NKD1: variants seen among roughly 807,000 people sequenced by gnomAD.
The protein encoded by NKD1 is NKD inhibitor of Wnt signaling pathway 1.
A neutral mutation model predicts 56.0 loss-of-function variants in NKD1; 21 were observed. The observed-to-expected ratio is 0.38, with a 90% CI of 0.27 to 0.54. The LOEUF is 0.54. NKD1 is among the 20% of genes least tolerant of loss of function. The pLI, the probability that NKD1 is intolerant of heterozygous loss-of-function variation, is 0.82. For synonymous variants in NKD1, 263 were observed against 265.7 expected (o/e 0.99, Z 0.10); for missense variants, 578 against 642.7 (o/e 0.90, Z 1.09).
intron 3 of NKD1, among the ~76,000 whole-genome samples, chr16:50,583,029 T>C (rs1396281364): frequency 6.6e-6 from 1 of 152,116 alleles, no homozygotes; most frequent in East Asian, 1.9e-4. Context: ...GCATTATTGC[T>C]CCATTTCAGG....
At chr16:50,552,926 T>C (rs1468131812) in intron 3 of NKD1, among the ~76,000 whole-genome samples, 1 of 152,142 alleles carries the variant, frequency 6.6e-6, no homozygotes, top group East Asian at 1.9e-4. Context: ...CATGGGGACA[T>C]GAGCAAGTCC....
chr16:50,574,626 G>A (rs1458719839), intron 3 of NKD1: 2 of 985,298 alleles, frequency 2.0e-6, no homozygotes, highest in Admixed American at 6.1e-5. Flanking sequence ...CGGGCAGGAG[G>A]AGCTGTGCCT....
intron 3 of NKD1, chr16:50,574,985 T>C (rs1960961756): frequency 1.8e-5 from 18 of 985,278 alleles, no homozygotes; most frequent in Non-Finnish European, 1.9e-5. Context: ...AGCATAACCC[T>C]GGTGCTTCTC....
rs1962715042 is a variant in NKD1, at chr16:50,648,180, C to G, written c.*14399C>G. The G allele has an allele frequency of 6.5e-6, 1 of 152,920 alleles. No homozygotes were observed. The highest frequency in any genetic ancestry group is 6.5e-5 in the Admixed American group (1 of 15,290). 9.5% of individuals were successfully genotyped at this position (152,920 alleles called of 1,614,324 possible). On this transcript the variant is annotated 3_prime_UTR_variant, in exon 10 of 10. Transcript: ENST00000268459. Reference sequence around the variant, plus strand: ...CCACTGTGAACCCAGAAATGCCACACCATGGAAGCCACACACTCTGCTGTC... The same window carrying G: ...CCACTGTGAACCCAGAAATGCCACAGCATGGAAGCCACACACTCTGCTGTC...
At chr16:50,552,392 C>T (rs996802706) in intron 3 of NKD1, 1 of 152,222 alleles carries the variant, frequency 6.6e-6, no homozygotes, top group African/African-American at 2.4e-5. Context: ...ACAAAACTCC[C>T]AGAGAGGGGG....
chr16:50,607,056 A>G (rs968180799), intron 3 of NKD1: 1 of 457,078 alleles, frequency 2.2e-6, no homozygotes, highest in African/African-American at 2.0e-5. Flanking sequence ...AGCCATCCTG[A>G]CTCGAGGAAT....
At chr16:50,556,362 C>G (rs1367974114) in intron 3 of NKD1, 2 of 152,296 alleles carry the variant, frequency 1.3e-5, no homozygotes, top group African/African-American at 2.4e-5. Context: ...AGCTGTTTAG[C>G]CTTGTGGGCA....
Position 50,592,163 on chromosome 16 carries a change from G to T in NKD1, c.193-16131G>T, listed in dbSNP as rs115739286. Among the ~76,000 whole-genome samples the T allele has an allele frequency of 3.8e-3, 576 of 152,352 alleles. 4 individuals carry two copies. Among genetic ancestry groups the T allele is most frequent in the African/African-American group, 0.014 (565 of 41,574 alleles). Reference sequence around the variant, plus strand: ...GGGCTGGATGCTGGAATAGGCAGCCGGCTCAGGTCCAGTCCACATTGGCCT... The same window carrying T: ...GGGCTGGATGCTGGAATAGGCAGCCTGCTCAGGTCCAGTCCACATTGGCCT... On this transcript the variant is annotated intron_variant, in intron 3 of 9. Transcript: ENST00000268459.
rs570868427 is a variant in NKD1, at chr16:50,625,344, G to T, written c.367-141G>T. 19 of 662,240 alleles carry T rather than the reference G, an allele frequency of 2.9e-5. 1 individual carries two copies. In the South Asian group the frequency reaches 3.3e-4, roughly 11 times the overall value. The allele number at this position is 662,240 out of a possible 1,614,324, so 41.0% of individuals were successfully genotyped here. A position where few individuals can be genotyped will look rare whatever the true frequency, so the allele number is the denominator to read the frequency against. ...CTGGGCCAGTTCTGTCTTGGCCAAA[G>T]TGCTCCCTGTCCACTCAAGGTCTGG... On this transcript the variant is annotated intron_variant, in intron 5 of 9. Transcript: ENST00000268459.
intron 3 of NKD1, among the ~76,000 whole-genome samples, chr16:50,588,805 T>G (rs1420317154): frequency 6.6e-6 from 1 of 152,022 alleles, no homozygotes; most frequent in African/African-American, 2.4e-5. Context: ...GGTTTCACCA[T>G]GTTGGCCAGG....
chr16:50,594,720 G>C (rs1440408290), intron 3 of NKD1, among the ~76,000 whole-genome samples: 2 of 152,146 alleles, frequency 1.3e-5, no homozygotes, highest in Non-Finnish European at 1.5e-5. Flanking sequence ...AGTTCTCTGA[G>C]TCTGCAGACA....
In NKD1 at chr16:50,548,948, G is replaced by A. The variant is rs1420816230; in HGVS notation, c.58+199G>A. The A allele has an allele frequency of 1.9e-5, 18 of 955,664 alleles. No homozygotes were observed. The South Asian group carries it at 4.9e-4, about 26-fold the overall frequency. 59.2% of individuals were successfully genotyped at this position (955,664 alleles called of 1,614,324 possible). A position where few individuals can be genotyped will look rare whatever the true frequency, so the allele number is the denominator to read the frequency against. ...TCCTACCCGCTCCCCGCGGTCCTGC[G>A]CTCCCACCGCTGACCCTCAACCCCT... On this transcript the variant is annotated intron_variant, in intron 2 of 9. Coordinates refer to ENST00000268459, the MANE Select transcript of NKD1 (RefSeq NM_033119.5).
intron 3 of NKD1, among the ~76,000 whole-genome samples, chr16:50,563,537 A>G (rs1184799644): frequency 2.0e-5 from 3 of 150,988 alleles, no homozygotes; most frequent in Non-Finnish European, 3.0e-5. Context: ...CTCAATGGGC[A>G]CAGCCCTGGA....
At chr16:50,626,921 C>T (rs1962232105) in intron 6 of NKD1, among the ~76,000 whole-genome samples, 1 of 152,176 alleles carries the variant, frequency 6.6e-6, no homozygotes, top group East Asian at 1.9e-4. Context: ...GCTTTGCTGA[C>T]TGGTCTCCTC....
chr16:50,562,983 A>ACCCCCCCCCCCCCCCCC (rs1483596865), intron 3 of NKD1, among the ~76,000 whole-genome samples: 10 of 53,494 alleles, frequency 1.9e-4, no homozygotes, highest in African/African-American at 7.0e-4. Context: ...AGGTCCCACC[A>ACCCCCCCCCCCCCCCCC]CCACCCCCCC....
intron 6 of NKD1, 145 bp downstream of exon 6, chr16:50,625,725 C>A: frequency 1.6e-6 from 1 of 632,494 alleles, no homozygotes; most frequent in East Asian, 2.8e-5. Flanking sequence ...TTGCTGGGAG[C>A]TCCTGCGAGA....
chr16:50,572,277 AG>A (rs1052368026), intron 3 of NKD1, among the ~76,000 whole-genome samples: 1 of 152,172 alleles, frequency 6.6e-6, no homozygotes, highest in South Asian at 2.1e-4. Flanking sequence ...CTGTGGTGGC[AG>A]GGGGCAGGGT....
chr16:50,630,174 C>T lies in NKD1; in HGVS notation c.463-12C>T, dbSNP rs377754697. Reference sequence around the variant, plus strand: ...GAAACCCTGCATGGGTCTCCGCTTCCCTCCCATTCAGGACATCACCAGCTT... The same window carrying T: ...GAAACCCTGCATGGGTCTCCGCTTCTCTCCCATTCAGGACATCACCAGCTT... On this transcript the variant is annotated splice_polypyrimidine_tract_variant and intron_variant, in intron 6 of 9. Coordinates refer to ENST00000268459, the MANE Select transcript of NKD1 (RefSeq NM_033119.5). 7.4e-6 allele frequency: 12 copies of T among 1,613,082 alleles called. No individual in the cohort carries two copies. The highest frequency in any genetic ancestry group is 1.6e-4 in the Middle Eastern group (1 of 6,078).
chr16:50,573,835 G>T (rs1960936406), intron 3 of NKD1: 1 of 985,390 alleles, frequency 1.0e-6, no homozygotes, highest in Middle Eastern at 5.2e-4. Context: ...GGTTGGGCTG[G>T]CCTCAGCCAC....
Sources: gnomAD v4.1 joint callset for allele counts (sites outside exome capture counted in the v4.1 genomes callset) on GRCh38, gnomAD v4.1.1 for gene constraint, MANE v1.5 for transcripts, NCBI Gene and HGNC (gene_info 2026-07-23, HGNC 2026-07-21) for gene names.